The following APOOL variants were observed in gnomAD, a reference collection of about 807,000 sequenced individuals.
APOOL encodes MICOS complex subunit MIC27.
In APOOL, 12 loss-of-function variants were observed where a neutral mutation model predicts 23.1. The ratio of observed to expected loss-of-function variants is 0.52; its 90% confidence interval spans 0.33 to 0.84. The LOEUF is 0.84. APOOL is among the 40% of genes least tolerant of loss of function. The probability of loss-of-function intolerance (pLI) is 0.02; values close to 1 mark genes in which losing one functional copy is unlikely to be tolerated. For synonymous variants in APOOL, 77 were observed against 69.9 expected (o/e 1.10, Z -0.51); for missense variants, 212 against 199.6 (o/e 1.06, Z -0.37).
intron 8 of APOOL, among the ~76,000 whole-genome samples, chrX:85,082,832 A>G (rs922407618): frequency 8.9e-6 from 1 of 112,170 alleles, no homozygotes; most frequent in African/African-American, 3.2e-5. Flanking sequence ...CCACATATGC[A>G]TGATTCATGT....
rs182044674 is a variant in APOOL at position 85,068,586 on chromosome X, A to G, written c.486+1368A>G. ...ACGTCCAGCTAATTTTTGTATTTTT[A>G]GTAGAGATGGGGTTTCACCAGGCTG... On this transcript the variant is annotated intron_variant, in intron 6 of 8. Coordinates refer to ENST00000373173, the MANE Select transcript of APOOL (RefSeq NM_198450.6). Among the ~76,000 whole-genome samples, 228 of 107,938 alleles carry G rather than the reference A, an allele frequency of 2.1e-3. 2 individuals are homozygous for G. Among genetic ancestry groups the G allele is most frequent in the African/African-American group, 7.4e-3 (217 of 29,428 alleles). The allele number at this position is 107,938 out of a possible 115,157, so 93.7% of individuals were successfully genotyped here.
chrX:85,080,533 A>G (rs2147666982), intron 8 of APOOL: 1 of 111,724 alleles, frequency 9.0e-6, no homozygotes, highest in South Asian at 3.8e-4. Flanking sequence ...TTTTGGAATA[A>G]GTATAATGTG....
chrX:85,091,593 T>C lies in APOOL; in HGVS notation c.*3915T>C, dbSNP rs1048949957. On this transcript the variant is annotated 3_prime_UTR_variant, in exon 9 of 9. Transcript: ENST00000373173. ...GCACAGGACACAAAAGTTAGAATTA[T>C]TTCAAAGGACTTATACTCTACTAGG... is the stretch of plus-strand genomic sequence containing the variant. The C allele has an allele frequency of 2.7e-5, 3 of 111,950 alleles. No homozygotes were observed. Among genetic ancestry groups the C allele is most frequent in the African/African-American group, 9.8e-5 (3 of 30,767 alleles). 9.2% of individuals were successfully genotyped at this position (111,950 alleles called of 1,213,427 possible).
rs756382795 is a variant in APOOL, at chrX:85,089,536, T to G, written c.*1858T>G. 1.8e-4 allele frequency: 20 copies of G among 111,936 alleles called. No individual in the cohort carries two copies. Among genetic ancestry groups the G allele is most frequent in the African/African-American group, 6.5e-4 (20 of 30,863 alleles). The allele number at this position is 111,936 out of a possible 1,213,427, so 9.2% of individuals were successfully genotyped here. ...CTCTTGCTCTGAATCCCTTAAATGC[T>G]GAGGCTGCTCAAGTTTCATCCCTAG... On this transcript the variant is annotated 3_prime_UTR_variant, in exon 9 of 9. Coordinates refer to ENST00000373173, the MANE Select transcript of APOOL (RefSeq NM_198450.6).
At chrX:85,074,157 G>T (rs1371972614) in intron 7 of APOOL, 46 bp downstream of exon 7, 8 of 1,135,242 alleles carry the variant, frequency 7.0e-6, no homozygotes, top group Non-Finnish European at 9.5e-6. Flanking sequence ...GTTTTGTTTG[G>T]GTGGGTGTTG....
At chrX:85,057,248 A>C (rs1923003247) in intron 5 of APOOL, among the ~76,000 whole-genome samples, 1 of 109,712 alleles carries the variant, frequency 9.1e-6, no homozygotes, top group African/African-American at 3.3e-5. Context: ...CATTTTGGTC[A>C]CCTTTCATCC....
intron 8 of APOOL, among the ~76,000 whole-genome samples, chrX:85,079,886 T>C (rs985185880): frequency 2.7e-5 from 3 of 112,032 alleles, no homozygotes; most frequent in African/African-American, 9.7e-5. Context: ...GTAGAGGTGT[T>C]CATAGTATTC....
intron 8 of APOOL, among the ~76,000 whole-genome samples, chrX:85,080,743 C>T (rs1361488577): frequency 9.0e-6 from 1 of 111,255 alleles, no homozygotes; most frequent in Non-Finnish European, 1.9e-5. Flanking sequence ...CTTTGTAGGT[C>T]ATTAAGGACT....
chrX:85,071,212 C>G (rs1421816765), intron 6 of APOOL, among the ~76,000 whole-genome samples: 1 of 110,428 alleles, frequency 9.1e-6, no homozygotes, highest in Non-Finnish European at 1.9e-5. Flanking sequence ...AAATTTAATT[C>G]AGTTCTTACA....
At chrX:85,007,311 C>T (rs770985407) in intron 1 of APOOL, among the ~76,000 whole-genome samples, 2 of 111,135 alleles carry the variant, frequency 1.8e-5, no homozygotes, top group East Asian at 5.7e-4. Context: ...TGCTCCAATG[C>T]TGAGTGTTGT....
chrX:85,055,231 G>A (rs752754214), intron 4 of APOOL, among the ~76,000 whole-genome samples: 7 of 111,526 alleles, frequency 6.3e-5, no homozygotes, highest in African/African-American at 1.9e-4. Flanking sequence ...TGATAGAAAA[G>A]TGTACTTTTG....
At chrX:85,031,458 A>C (rs1922035154) in intron 1 of APOOL, among the ~76,000 whole-genome samples, 1 of 111,965 alleles carries the variant, frequency 8.9e-6, no homozygotes, top group Non-Finnish European at 1.9e-5. Context: ...AAAGATAAAT[A>C]ATAATATAAT....
intron 5 of APOOL, among the ~76,000 whole-genome samples, chrX:85,060,564 G>C (rs867109600): frequency 9.0e-6 from 1 of 110,578 alleles, no homozygotes; most frequent in African/African-American, 3.3e-5. Flanking sequence ...TTGAGCAGTG[G>C]TTTGTAGTTT....
At chrX:85,036,520 A>G (rs911382357) in intron 1 of APOOL, among the ~76,000 whole-genome samples, 8 of 111,041 alleles carry the variant, frequency 7.2e-5, no homozygotes, top group Non-Finnish European at 1.5e-4. Context: ...AGGCATGAAA[A>G]GAGTGCACAT....
chrX:85,050,201 T>A (rs1032525717), intron 2 of APOOL, among the ~76,000 whole-genome samples: 3 of 111,584 alleles, frequency 2.7e-5, no homozygotes, highest in African/African-American at 9.8e-5. Context: ...CTTTTCTGAC[T>A]TACTACTGGA....
intron 2 of APOOL, among the ~76,000 whole-genome samples, chrX:85,048,586 A>G (rs1041957064): frequency 1.8e-5 from 2 of 112,085 alleles, no homozygotes; most frequent in South Asian, 7.4e-4. Context: ...GTCCTTGAGG[A>G]ATGTAGAATT....
intron 8 of APOOL, among the ~76,000 whole-genome samples, chrX:85,079,332 C>T (rs1393290160): frequency 8.9e-6 from 1 of 111,825 alleles, no homozygotes; most frequent in Non-Finnish European, 1.9e-5. Context: ...GGGTTTTCTG[C>T]ATCTATTGAG....
chrX:85,053,382 A>T (rs773565108), intron 3 of APOOL, among the ~76,000 whole-genome samples: 1 of 111,811 alleles, frequency 8.9e-6, no homozygotes, highest in Non-Finnish European at 1.9e-5. Flanking sequence ...ACCAAGATGA[A>T]CCTCTGCATC....
In APOOL at chrX:85,074,410, A is replaced by C. The variant is rs1923775194; in HGVS notation, c.718+19A>C. 2 of 1,202,547 alleles carry C rather than the reference A, an allele frequency of 1.7e-6. No homozygotes were observed. Among genetic ancestry groups the C allele is most frequent in the Admixed American group, 2.2e-5 (1 of 44,886 alleles). On this transcript the variant is annotated intron_variant, in intron 8 of 8. Coordinates refer to ENST00000373173, the MANE Select transcript of APOOL (RefSeq NM_198450.6). ...ACTTCAGGTTTGTTGGGTATAAGTC[A>C]ATTTTGTTTTCATTCTTTTCTTAAA...
Sources: allele counts gnomAD v4.1 joint callset (sites outside exome capture counted in the v4.1 genomes callset), GRCh38; gene constraint gnomAD v4.1.1; transcripts MANE v1.5; gene names NCBI Gene and HGNC (gene_info 2026-07-23, HGNC 2026-07-21).